The following FHIT variants were observed in gnomAD, a reference collection of about 807,000 sequenced individuals.
FHIT encodes the protein fragile histidine triad diadenosine triphosphatase.
FHIT carries 19 observed loss-of-function variants against 17.9 expected under a neutral mutation model. That is an observed-to-expected ratio of 1.06 (90% CI 0.74 to 1.56). The LOEUF (loss-of-function observed/expected upper bound fraction) is 1.56, where lower values mean the gene tolerates loss of function less well. FHIT is among the 40% of genes most tolerant of loss of function. The pLI, the probability that FHIT is intolerant of heterozygous loss-of-function variation, is 0.00. For synonymous variants in FHIT, 81 were observed against 69.7 expected, an observed-to-expected ratio of 1.16 and a Z score of -0.81; for missense variants, 248 against 189.2, an observed-to-expected ratio of 1.31 and a Z score of -1.82.
intron 5 of FHIT, among the ~76,000 whole-genome samples, chr3:60,296,474 GT>G (rs1238731972): frequency 2.0e-5 from 3 of 152,042 alleles, no homozygotes; most frequent in African/African-American, 7.2e-5. Flanking sequence ...GGCTGTCCAT[GT>G]CTTTTGCCCA....
intron 5 of FHIT, among the ~76,000 whole-genome samples, chr3:60,424,507 C>T (rs570331835): frequency 6.6e-6 from 1 of 152,262 alleles, no homozygotes; most frequent in African/African-American, 2.4e-5. Flanking sequence ...TAAACTTCTA[C>T]ATCCTAAAGC....
chr3:60,218,659 G>A (rs550403748), intron 5 of FHIT, among the ~76,000 whole-genome samples: 3 of 152,026 alleles, frequency 2.0e-5, no homozygotes, highest in Non-Finnish European at 4.4e-5. Flanking sequence ...TGGTGAATAT[G>A]TGCTCAATAC....
At chr3:60,131,208 C>G (rs1278138845) in intron 5 of FHIT, among the ~76,000 whole-genome samples, 1 of 151,640 alleles carries the variant, frequency 6.6e-6, no homozygotes, top group Non-Finnish European at 1.5e-5. Context: ...TGCATATAAC[C>G]TTCCCACCTC....
At position 59,926,134 on chromosome 3, in the gene FHIT, A is replaced by G. The variant is rs183742757; in HGVS notation, c.280-3720T>C. Among the ~76,000 whole-genome samples, 53 of 152,346 alleles carry G rather than the reference A, an allele frequency of 3.5e-4. No homozygotes were observed. The East Asian group carries it at 6.8e-3, about 19-fold the overall frequency. On this transcript the variant is annotated intron_variant, in intron 7 of 9. Transcript: ENST00000492590. ...CACATTCCACACCAAAAATGTTTTCATGGTCAAATAACATTTCACAATGCT... is the reference window on the plus strand; with the variant it reads ...CACATTCCACACCAAAAATGTTTTCGTGGTCAAATAACATTTCACAATGCT...
chr3:60,918,198 TC>T (rs1553767515), intron 3 of FHIT, among the ~76,000 whole-genome samples: 1 of 152,202 alleles, frequency 6.6e-6, no homozygotes, highest in African/African-American at 2.4e-5. Flanking sequence ...TTGTGAGGCT[TC>T]CCCAGCCAGG....
intron 5 of FHIT, among the ~76,000 whole-genome samples, chr3:60,055,517 T>C (rs896198469): frequency 6.6e-6 from 1 of 151,624 alleles, no homozygotes; most frequent in Admixed American, 6.6e-5. Flanking sequence ...GTCATAAAGA[T>C]GGTGCAGTTC....
At chr3:60,423,849 AT>A (rs952250232) in intron 5 of FHIT, among the ~76,000 whole-genome samples, 1 of 152,080 alleles carries the variant, frequency 6.6e-6, no homozygotes, top group Non-Finnish European at 1.5e-5. Context: ...ATTTGTTTCA[AT>A]TTTTTAAGTG....
chr3:60,376,629 C>G (rs1011156259), intron 5 of FHIT, among the ~76,000 whole-genome samples: 5 of 152,160 alleles, frequency 3.3e-5, no homozygotes, highest in African/African-American at 9.7e-5. Flanking sequence ...CAATTTAGCT[C>G]AGGATGTATG....
intron 2 of FHIT, among the ~76,000 whole-genome samples, chr3:61,167,302 A>G (rs1299144257): frequency 1.3e-5 from 2 of 151,852 alleles, no homozygotes; most frequent in African/African-American, 4.8e-5. Flanking sequence ...TAATAACAAA[A>G]TGAAACAGCT....
chr3:59,982,250 G>GA (rs1708686650), intron 7 of FHIT, among the ~76,000 whole-genome samples: 1 of 150,684 alleles, frequency 6.6e-6, no homozygotes, highest in African/African-American at 2.5e-5. Context: ...TAACATCCCT[G>GA]AAGATGGTTG....
intron 5 of FHIT, among the ~76,000 whole-genome samples, chr3:60,426,867 C>T (rs1029749301): frequency 2.6e-5 from 4 of 152,092 alleles, no homozygotes; most frequent in Non-Finnish European, 4.4e-5. Context: ...TCTGAGATGT[C>T]CCTCAAGATT....
chr3:60,105,205 G>T (rs558460248), intron 5 of FHIT, among the ~76,000 whole-genome samples: 3 of 152,214 alleles, frequency 2.0e-5, no homozygotes, highest in African/African-American at 7.2e-5. Context: ...TTTCTTTCAA[G>T]TACCAGGCAC....
intron 5 of FHIT, among the ~76,000 whole-genome samples, chr3:60,496,510 G>A (rs2034305867): frequency 6.6e-6 from 1 of 152,050 alleles, no homozygotes; most frequent in South Asian, 2.1e-4. Flanking sequence ...AAACATCATG[G>A]GAAACAGATG....
chr3:60,568,372 C>T (rs1053498271), intron 4 of FHIT, among the ~76,000 whole-genome samples: 1 of 152,010 alleles, frequency 6.6e-6, no homozygotes, highest in African/African-American at 2.4e-5. Context: ...AAACCAAATA[C>T]CGCGTGTTCT....
At chr3:60,255,938 G>A (rs1705968932) in intron 5 of FHIT, among the ~76,000 whole-genome samples, 1 of 152,156 alleles carries the variant, frequency 6.6e-6, no homozygotes. Context: ...GTCCTTGAGG[G>A]GGATCTCAGC....
chr3:60,132,818 T>C (rs1246237901), intron 5 of FHIT, among the ~76,000 whole-genome samples: 1 of 152,166 alleles, frequency 6.6e-6, no homozygotes, highest in Non-Finnish European at 1.5e-5. Flanking sequence ...CACCATAATA[T>C]AGTAGAAAAC....
intron 5 of FHIT, among the ~76,000 whole-genome samples, chr3:60,160,825 T>TGAGAGA (rs1479731734): frequency 2.4e-5 from 3 of 124,862 alleles, no homozygotes; most frequent in African/African-American, 8.4e-5. Context: ...TGTGTGAGTG[T>TGAGAGA]GACAGAGAGA....
intron 8 of FHIT, among the ~76,000 whole-genome samples, chr3:59,908,346 C>T (rs976191650): frequency 2.6e-5 from 4 of 152,146 alleles, no homozygotes; most frequent in Non-Finnish European, 5.9e-5. Context: ...CAGGTCTTAG[C>T]AAAGTATGTA....
intron 4 of FHIT, among the ~76,000 whole-genome samples, chr3:60,559,797 A>G (rs1476861540): frequency 6.6e-6 from 1 of 152,160 alleles, no homozygotes; most frequent in Non-Finnish European, 1.5e-5. Flanking sequence ...AAGCCATCCC[A>G]CACACTGTTA....
Sources: gnomAD v4.1 joint callset for allele counts (sites outside exome capture counted in the v4.1 genomes callset) on GRCh38, gnomAD v4.1.1 for gene constraint, MANE v1.5 for transcripts, NCBI Gene and HGNC (gene_info 2026-07-23, HGNC 2026-07-21) for gene names.